SHROOM4: variants seen among roughly 807,000 people sequenced by gnomAD.
SHROOM4 encodes shroom family member 4.
A neutral mutation model predicts 80.3 loss-of-function variants in SHROOM4; 17 were observed. The ratio of observed to expected loss-of-function variants is 0.21; its 90% CI spans 0.14 to 0.32. The LOEUF (loss-of-function observed/expected upper bound fraction) is 0.32, where lower values mean the gene tolerates loss of function less well. Ranked by LOEUF, SHROOM4 falls within the 10% of genes least tolerant of loss-of-function variation. The pLI, the probability that SHROOM4 is intolerant of heterozygous loss-of-function variation, is 1.00. For synonymous variants in SHROOM4, 400 were observed against 437.5 expected (o/e 0.91, Z 1.07); for missense variants, 993 against 1,140.3 (o/e 0.87, Z 1.86).
chrX:50,643,818 A>G, intron 2 of SHROOM4: 1 of 112,864 alleles, frequency 8.9e-6, no homozygotes, highest in African/African-American at 3.2e-5. Context: ...GGAAAGGAGC[A>G]AGGAAATGAT....
At chrX:50,809,554 A>T (rs1374649906) in intron 1 of SHROOM4, among the ~76,000 whole-genome samples, 2 of 112,419 alleles carry the variant, frequency 1.8e-5, no homozygotes, top group African/African-American at 6.5e-5. Flanking sequence ...CCCACTCTGC[A>T]AATAGAGACT....
At chrX:50,644,941 C>T (rs1931768491) in intron 2 of SHROOM4, among the ~76,000 whole-genome samples, 1 of 112,278 alleles carries the variant, frequency 8.9e-6, no homozygotes, top group South Asian at 3.8e-4. Flanking sequence ...TAAATGCTAT[C>T]TGTTTTTAAT....
chrX:50,743,694 C>T (rs1469397617), intron 1 of SHROOM4, among the ~76,000 whole-genome samples: 1 of 111,140 alleles, frequency 9.0e-6, no homozygotes, highest in African/African-American at 3.3e-5. Context: ...TGGGCTCAAG[C>T]GATCTTCTTG....
intron 5 of SHROOM4, among the ~76,000 whole-genome samples, chrX:50,625,831 T>TTACCTAGGCTGGTC (rs1480932302): frequency 2.7e-5 from 3 of 111,687 alleles, no homozygotes; most frequent in African/African-American, 6.5e-5. Context: ...CTATCTAGGT[T>TTACCTAGGCTGGTC]TACCTAGGCT....
chrX:50,646,969 C>A (rs782126098), intron 2 of SHROOM4, among the ~76,000 whole-genome samples: 30 of 111,524 alleles, frequency 2.7e-4, no homozygotes, highest in African/African-American at 8.1e-4. Flanking sequence ...CCTCTGCTTC[C>A]ATTTCTCCAT....
rs781803244 is a variant in SHROOM4, at chrX:50,592,381, C to T, written c.*4314G>A. On this transcript the variant is annotated 3_prime_UTR_variant, in exon 9 of 9. Transcript: ENST00000376020. ...TATTATTTTCAAGTTACAATAACTG[C>T]AAGCAAGATAATACTGTTCCCATTT... 67 of 256,276 alleles carry T rather than the reference C, an allele frequency of 2.6e-4. No individual in the cohort carries two copies. Among genetic ancestry groups the T allele is most frequent in the Non-Finnish European group, 4.6e-4 (63 of 137,479 alleles). 21.1% of individuals were successfully genotyped at this position (256,276 alleles called of 1,213,427 possible).
chrX:50,729,284 GTA>G (rs1209504337), intron 1 of SHROOM4, among the ~76,000 whole-genome samples: 12 of 110,429 alleles, frequency 1.1e-4, no homozygotes, highest in Non-Finnish European at 5.7e-5. Flanking sequence ...TGAAAGAAAA[GTA>G]TGATAAAAAT....
chrX:50,757,492 T>G (rs1264068917), intron 1 of SHROOM4, among the ~76,000 whole-genome samples: 1 of 111,741 alleles, frequency 8.9e-6, no homozygotes, highest in Non-Finnish European at 1.9e-5. Flanking sequence ...CTCTGTGTAT[T>G]TTAGAATCAG....
At chrX:50,766,172 C>A (rs1378863524) in intron 1 of SHROOM4, among the ~76,000 whole-genome samples, 1 of 111,692 alleles carries the variant, frequency 9.0e-6, no homozygotes, top group East Asian at 2.8e-4. Context: ...TTTTCCTGGT[C>A]TCAAATGGGT....
chrX:50,596,998 C>G, intron 8 of SHROOM4, 34 bp from the exon 9 acceptor site: 2 of 1,199,117 alleles, frequency 1.7e-6, no homozygotes, highest in Non-Finnish European at 2.2e-6. Context: ...AGGGCTCTCT[C>G]AATTACCAGG....
At chrX:50,766,819 T>C (rs143857512) in intron 1 of SHROOM4, among the ~76,000 whole-genome samples, 297 of 111,612 alleles carry the variant, frequency 2.7e-3, no homozygotes, top group African/African-American at 8.9e-3. Flanking sequence ...GTGACAAATA[T>C]AAATGATGAA....
chrX:50,812,599 TGTGGGCCCC>T (rs1936360552), intron 1 of SHROOM4, among the ~76,000 whole-genome samples: 1 of 110,168 alleles, frequency 9.1e-6, no homozygotes, highest in Non-Finnish European at 1.9e-5. Context: ...TTGCTAAGAG[TGTGGGCCCC>T]AAGGCCTGAA....
intron 5 of SHROOM4, among the ~76,000 whole-genome samples, chrX:50,618,812 AATCATT>A (rs1557251439): frequency 8.9e-6 from 1 of 111,944 alleles, no homozygotes; most frequent in African/African-American, 3.3e-5. Context: ...AAAAAGGATA[AATCATT>A]TTCCCAGCTA....
At chrX:50,772,465 C>A (rs140996143) in intron 1 of SHROOM4, among the ~76,000 whole-genome samples, 4 of 111,724 alleles carry the variant, frequency 3.6e-5, no homozygotes, top group African/African-American at 1.3e-4. Flanking sequence ...ACTGAGGTTT[C>A]TGTTGACTCC....
intron 2 of SHROOM4, among the ~76,000 whole-genome samples, chrX:50,691,728 C>T (rs1287453814): frequency 8.9e-6 from 1 of 111,779 alleles, no homozygotes; most frequent in African/African-American, 3.3e-5. Context: ...TCTTTGTCAG[C>T]TGATTGTTTA....
chrX:50,646,772 C>G (rs987646965), intron 2 of SHROOM4, among the ~76,000 whole-genome samples: 1 of 109,420 alleles, frequency 9.1e-6, no homozygotes, highest in South Asian at 4.1e-4. Flanking sequence ...CTGGGTCCCC[C>G]TCTCCACCCT....
At chrX:50,766,471 A>G (rs1197108607) in intron 1 of SHROOM4, among the ~76,000 whole-genome samples, 1 of 111,797 alleles carries the variant, frequency 8.9e-6, no homozygotes, top group Non-Finnish European at 1.9e-5. Flanking sequence ...GAGGAGTTCA[A>G]GAAATATTTG....
intron 1 of SHROOM4, among the ~76,000 whole-genome samples, chrX:50,802,723 T>A (rs781841250): frequency 1.8e-5 from 2 of 111,705 alleles, no homozygotes; most frequent in South Asian, 7.6e-4. Flanking sequence ...CAGGGTGGTA[T>A]GACCATAGAC....
chrX:50,609,921 T>C (rs2147236805), intron 5 of SHROOM4, among the ~76,000 whole-genome samples: 1 of 110,653 alleles, frequency 9.0e-6, no homozygotes, highest in East Asian at 2.8e-4. Context: ...TTAAAAGACA[T>C]CTCTTTAGCC....
Sources: allele counts gnomAD v4.1 joint callset (sites outside exome capture counted in the v4.1 genomes callset), GRCh38; gene constraint gnomAD v4.1.1; transcripts MANE v1.5; gene names NCBI Gene and HGNC (gene_info 2026-07-23, HGNC 2026-07-21).